The following HMBOX1 variants were observed in gnomAD, a reference collection of about 807,000 sequenced individuals.
HMBOX1 encodes the protein homeobox-containing protein 1.
In HMBOX1, 14 loss-of-function variants were observed where a neutral mutation model predicts 54.5. That is an observed-to-expected ratio of 0.26 (90% CI 0.17 to 0.40). The LOEUF (loss-of-function observed/expected upper bound fraction) is 0.40. Among genes scored for constraint, HMBOX1 ranks in the 10% least tolerant of loss-of-function variants. The probability of loss-of-function intolerance (pLI) is 1.00; values close to 1 mark genes in which losing one functional copy is unlikely to be tolerated. For synonymous variants in HMBOX1, 160 were observed against 181.0 expected (o/e 0.88, Z 0.93); for missense variants, 332 against 514.4 (o/e 0.65, Z 3.43).
intron 1 of HMBOX1, among the ~76,000 whole-genome samples, chr8:28,963,233 C>G (rs1825908031): frequency 6.6e-6 from 1 of 152,220 alleles, no homozygotes. Context: ...ATCCACCCGC[C>G]TCAGCCTCCT....
intron 2 of HMBOX1, among the ~76,000 whole-genome samples, chr8:28,969,463 AT>A (rs968401117): frequency 5.3e-4 from 77 of 146,570 alleles, no homozygotes; most frequent in Middle Eastern, 3.6e-3. Flanking sequence ...AATGGTGCTT[AT>A]TTTTTTTTTT....
intron 1 of HMBOX1, among the ~76,000 whole-genome samples, chr8:28,900,542 C>T (rs1414892177): frequency 6.6e-6 from 1 of 151,788 alleles, no homozygotes; most frequent in Non-Finnish European, 1.5e-5. Context: ...TGTGTCCATC[C>T]TCTCTGATTG....
In HMBOX1 at chr8:29,048,954, A is replaced by C. The variant is rs760400927; in HGVS notation, c.1031A>C (p.Glu344Ala). 23 of 1,592,432 alleles carry C rather than the reference A, an allele frequency of 1.4e-5. No individual in the cohort carries two copies. Among genetic ancestry groups the C allele is most frequent in the East Asian group, 2.2e-5 (1 of 44,596 alleles). Residue 344 changes from glutamate to alanine, a missense_variant and splice_region_variant, in exon 9 of 10, where the codon GAA (glutamate) becomes GCA (alanine). Physicochemically the swap from Glu to Ala is moderately radical, Grantham distance 107. Transcript: ENST00000287701. ...RKEIKRRANI[E>A]AAILESHGID... ...AGGGATCTATTTGCTTTTTTCGAAG[A>C]AGCAGCAATCCTGGAGAGTCATGGG... is the stretch of plus-strand genomic sequence containing the variant.
chr8:28,914,538 G>T (rs937175185), intron 1 of HMBOX1, among the ~76,000 whole-genome samples: 2 of 152,096 alleles, frequency 1.3e-5, no homozygotes, highest in African/African-American at 2.4e-5. Context: ...CTGAACACAC[G>T]CCTTCACTTG....
intron 1 of HMBOX1, among the ~76,000 whole-genome samples, chr8:28,940,169 G>A (rs941954328): frequency 6.6e-6 from 1 of 151,966 alleles, no homozygotes; most frequent in Admixed American, 6.6e-5. Context: ...CACCACACCT[G>A]GTTAATTTTG....
chr8:28,939,594 G>GC (rs898061212), intron 1 of HMBOX1, among the ~76,000 whole-genome samples: 13 of 151,278 alleles, frequency 8.6e-5, no homozygotes, highest in Admixed American at 3.3e-4. Context: ...TGCAATCTCC[G>GC]CCCCCCCTGG....
intron 6 of HMBOX1, among the ~76,000 whole-genome samples, chr8:29,034,999 C>A (rs1479588851): frequency 6.6e-6 from 1 of 151,962 alleles, no homozygotes; most frequent in Admixed American, 6.5e-5. Flanking sequence ...TAATAAGTAC[C>A]CATGTGTACA....
chr8:29,047,565 T>C (rs1297383883), intron 8 of HMBOX1, 112 bp downstream of exon 8: 5 of 84,578 alleles, frequency 5.9e-5, no homozygotes, highest in South Asian at 2.9e-4. Context: ...CTAACTTCTC[T>C]TTTTTTTTTT....
At chr8:29,028,627 G>A (rs1207270767) in intron 6 of HMBOX1, among the ~76,000 whole-genome samples, 1 of 152,194 alleles carries the variant, frequency 6.6e-6, no homozygotes, top group Non-Finnish European at 1.5e-5. Flanking sequence ...GTGTGGTTCA[G>A]ACAACTGCAG....
chr8:29,000,297 G>T (rs1832454125), intron 4 of HMBOX1, among the ~76,000 whole-genome samples: 1 of 152,104 alleles, frequency 6.6e-6, no homozygotes, highest in Non-Finnish European at 1.5e-5. Flanking sequence ...CTTTCTCTTT[G>T]TACTAGGTCT....
chr8:29,049,563 C>G, intron 9 of HMBOX1: 1 of 930,138 alleles, frequency 1.1e-6, no homozygotes, highest in Non-Finnish European at 1.5e-6. Flanking sequence ...TCCAGAGTCT[C>G]TGGCACACTG....
chr8:28,994,836 G>A (rs1200286583), intron 4 of HMBOX1, among the ~76,000 whole-genome samples: 3 of 151,964 alleles, frequency 2.0e-5, no homozygotes. Context: ...AATATAAATG[G>A]CCAATAAGCA....
Position 28,969,392 on chromosome 8 carries a change from T to C in HMBOX1, c.24-651T>C, listed in dbSNP as rs371089828. Among the ~76,000 whole-genome samples, 4 of 152,258 alleles carry C rather than the reference T, an allele frequency of 2.6e-5. 1 individual carries two copies. The East Asian group carries it at 7.7e-4, about 29-fold the overall frequency. ...TGAAAGATCTATTTCTCAGGGTAGC[T>C]ATTAAGAGAGAATGCATTACCAGAG... On this transcript the variant is annotated intron_variant, in intron 2 of 9. Coordinates refer to ENST00000287701, the MANE Select transcript of HMBOX1 (RefSeq NM_001135726.3).
chr8:28,928,747 T>C (rs1023174974), intron 1 of HMBOX1, among the ~76,000 whole-genome samples: 2 of 152,184 alleles, frequency 1.3e-5, no homozygotes, highest in African/African-American at 4.8e-5. Flanking sequence ...TGTGGCAACA[T>C]GGATGGACCT....
intron 1 of HMBOX1, among the ~76,000 whole-genome samples, chr8:28,892,198 G>A (rs1258467120): frequency 6.6e-6 from 1 of 152,140 alleles, no homozygotes; most frequent in African/African-American, 2.4e-5. Flanking sequence ...ATCACATCAG[G>A]ATTGCAGTGC....
chr8:28,975,461 G>A (rs1357880413), intron 3 of HMBOX1, among the ~76,000 whole-genome samples: 1 of 152,176 alleles, frequency 6.6e-6, no homozygotes, highest in Non-Finnish European at 1.5e-5. Flanking sequence ...CAGATATTAA[G>A]AAAGGTCTGT....
upstream of HMBOX1, chr8:28,890,387 GA>G (rs1262318487): frequency 5.9e-6 from 1 of 170,044 alleles, no homozygotes; most frequent in Non-Finnish European, 1.3e-5. Context: ...GCAGGTGGGA[GA>G]GGGGCTGTTG....
intron 1 of HMBOX1, among the ~76,000 whole-genome samples, chr8:28,938,407 CAT>C (rs1158700069): frequency 1.3e-5 from 2 of 152,132 alleles, no homozygotes; most frequent in Non-Finnish European, 2.9e-5. Context: ...TATTCACACT[CAT>C]ATGAAGCAGC....
Position 29,051,552 on chromosome 8 carries a change from G to A in HMBOX1, c.*397G>A. On this transcript the variant is annotated 3_prime_UTR_variant, in exon 10 of 10. Transcript: ENST00000287701. ...TCTGTACTCCCTTTTCCTTCCCCAAGACTGATAGGATGCAAGCTGAGGTCG... is the reference window on the plus strand; with the variant it reads ...TCTGTACTCCCTTTTCCTTCCCCAAAACTGATAGGATGCAAGCTGAGGTCG... 1 of 702,896 alleles carries A rather than the reference G, an allele frequency of 1.4e-6. No homozygotes were observed. Among genetic ancestry groups the A allele is most frequent in the East Asian group, 2.7e-5 (1 of 37,286 alleles). 43.5% of individuals were successfully genotyped at this position (702,896 alleles called of 1,614,324 possible). A position where few individuals can be genotyped will look rare whatever the true frequency, so the allele number is the denominator to read the frequency against.
Sources: allele counts gnomAD v4.1 joint callset (sites outside exome capture counted in the v4.1 genomes callset), GRCh38; gene constraint gnomAD v4.1.1; transcripts MANE v1.5; gene names NCBI Gene and HGNC (gene_info 2026-07-23, HGNC 2026-07-21).